The following FHIT variants were observed in gnomAD, a reference collection of about 807,000 sequenced individuals.
FHIT encodes the protein fragile histidine triad diadenosine triphosphatase.
Under a neutral mutation model 17.9 loss-of-function variants are expected in FHIT, and 19 were observed. The ratio of observed to expected loss-of-function variants is 1.06; its 90% CI spans 0.74 to 1.56. The LOEUF (loss-of-function observed/expected upper bound fraction) is 1.56, where lower values mean the gene tolerates loss of function less well. Among genes scored for constraint, FHIT ranks in the 40% most tolerant of loss-of-function variants. FHIT has a pLI of 0.00. For synonymous variants in FHIT, 81 were observed against 69.7 expected (o/e 1.16, Z -0.81); for missense variants, 248 against 189.2 (o/e 1.31, Z -1.82).
At chr3:59,817,187 G>C (rs956759787) in intron 8 of FHIT, among the ~76,000 whole-genome samples, 2 of 152,090 alleles carry the variant, frequency 1.3e-5, no homozygotes, top group Non-Finnish European at 2.9e-5. Flanking sequence ...TTGCCTTAAG[G>C]CTTTAAGATT....
intron 8 of FHIT, among the ~76,000 whole-genome samples, chr3:59,921,384 T>C (rs574690569): frequency 1.3e-5 from 2 of 152,352 alleles, no homozygotes; most frequent in South Asian, 4.1e-4. Flanking sequence ...TAGAGCCACA[T>C]GATAAACAAT....
At chr3:59,844,484 T>C (rs748254900) in intron 8 of FHIT, among the ~76,000 whole-genome samples, 2 of 151,620 alleles carry the variant, frequency 1.3e-5, no homozygotes, top group Non-Finnish European at 3.0e-5. Flanking sequence ...CCTAGTTTGT[T>C]GAGTGTGTGT....
At chr3:61,210,730 A>C (rs932543463) in intron 1 of FHIT, among the ~76,000 whole-genome samples, 2 of 151,952 alleles carry the variant, frequency 1.3e-5, no homozygotes, top group African/African-American at 4.8e-5. Flanking sequence ...TAGGAAAGGG[A>C]ATTCACTGAC....
chr3:60,018,749 G>A (rs753742421), intron 5 of FHIT, among the ~76,000 whole-genome samples: 18 of 152,226 alleles, frequency 1.2e-4, no homozygotes, highest in South Asian at 2.1e-4. Flanking sequence ...AGGCCAAAGC[G>A]CGCGAATCAC....
chr3:60,293,409 A>G (rs2106670195), intron 5 of FHIT, among the ~76,000 whole-genome samples: 1 of 152,296 alleles, frequency 6.6e-6, no homozygotes, highest in African/African-American at 2.4e-5. Context: ...AAGAAGAGGA[A>G]AAATATTCCA....
At chr3:60,245,975 A>T (rs188723244) in intron 5 of FHIT, among the ~76,000 whole-genome samples, 94 of 152,158 alleles carry the variant, frequency 6.2e-4, no homozygotes, top group African/African-American at 1.9e-3. Context: ...CAAAAGATAT[A>T]AAAAAAATTT....
chr3:60,838,702 T>TATACAATAAA, intron 3 of FHIT, among the ~76,000 whole-genome samples: 1 of 152,056 alleles, frequency 6.6e-6, no homozygotes, highest in Admixed American at 6.5e-5. Flanking sequence ...GCTAAAAAAA[T>TATACAATAAA]ATACAATAAA....
rs1290401549 is a variant in FHIT at position 59,859,411 on chromosome 3, A to C, written c.348+62935T>G. Among the ~76,000 whole-genome samples, 4 of 152,204 alleles carry C rather than the reference A, an allele frequency of 2.6e-5. No individual in the cohort carries two copies. In the East Asian group the frequency reaches 7.7e-4, roughly 29 times the overall value. ...TCTTTAAGGCAGGAAAACACGAGAC[A>C]GGGAAAGAATAAAAATCCATTCCAG... On this transcript the variant is annotated intron_variant, in intron 8 of 9. Transcript: ENST00000492590.
At chr3:59,869,627 G>A (rs898985101) in intron 8 of FHIT, among the ~76,000 whole-genome samples, 3 of 148,512 alleles carry the variant, frequency 2.0e-5, no homozygotes, top group Non-Finnish European at 3.0e-5. Context: ...GACTACAGGT[G>A]CCCGCCACCA....
intron 5 of FHIT, among the ~76,000 whole-genome samples, chr3:60,073,897 A>G (rs548623126): frequency 6.6e-6 from 1 of 152,230 alleles, no homozygotes; most frequent in South Asian, 2.1e-4. Flanking sequence ...ATAACCCTGT[A>G]TTTCCCACTG....
At chr3:61,012,799 G>C (rs942637857) in intron 3 of FHIT, among the ~76,000 whole-genome samples, 2 of 151,390 alleles carry the variant, frequency 1.3e-5, no homozygotes, top group African/African-American at 4.8e-5. Context: ...GAAATGTAGA[G>C]GATTATAAAT....
Position 60,843,392 on chromosome 3 carries a change from CAG to C in FHIT, c.-110-21383_-110-21382del, listed in dbSNP as rs113698754. ...GAAAAATGCTAAATAAAAACACAGT[CAG>C]AGAGAGACTTCCACCACTATAAATA... On this transcript the variant is annotated intron_variant, in intron 3 of 9. Transcript: ENST00000492590. Among the ~76,000 whole-genome samples, 70 of 152,262 alleles carry C rather than the reference CAG, an allele frequency of 4.6e-4. 1 individual carries two copies. Among genetic ancestry groups the C allele is most frequent in the Middle Eastern group, 3.4e-3 (1 of 294 alleles).
At chr3:59,970,990 G>A (rs1708153097) in intron 7 of FHIT, among the ~76,000 whole-genome samples, 1 of 151,962 alleles carries the variant, frequency 6.6e-6, no homozygotes, top group South Asian at 2.1e-4. Context: ...TTCAGAATAT[G>A]TGTGGACTTG....
intron 8 of FHIT, among the ~76,000 whole-genome samples, chr3:59,756,653 G>C (rs970018255): frequency 4.6e-5 from 7 of 152,098 alleles, no homozygotes; most frequent in African/African-American, 1.7e-4. Context: ...CCCTTAAAAA[G>C]GTGTCACAGG....
chr3:61,020,653 C>A (rs2032371055), intron 3 of FHIT, among the ~76,000 whole-genome samples: 1 of 152,170 alleles, frequency 6.6e-6, no homozygotes, highest in Non-Finnish European at 1.5e-5. Context: ...ATGACAGGAT[C>A]AAATTCACAC....
At chr3:60,946,789 A>G (rs1037123783) in intron 3 of FHIT, among the ~76,000 whole-genome samples, 4 of 151,996 alleles carry the variant, frequency 2.6e-5, no homozygotes, top group Non-Finnish European at 5.9e-5. Flanking sequence ...GGAGAGGGTG[A>G]TGGGGAAGCC....
chr3:60,744,106 C>T (rs2363682), intron 4 of FHIT, among the ~76,000 whole-genome samples: 1 of 151,980 alleles, frequency 6.6e-6, no homozygotes, highest in Admixed American at 6.6e-5. Context: ...GAGCGATGCT[C>T]TGACCTGAGA....
intron 5 of FHIT, among the ~76,000 whole-genome samples, chr3:60,433,138 G>T (rs190021784): frequency 6.6e-6 from 1 of 151,902 alleles, no homozygotes; most frequent in Non-Finnish European, 1.5e-5. Context: ...TTTTGAATTT[G>T]ACTGTTTTAG....
At chr3:60,497,906 T>C (rs958079905) in intron 5 of FHIT, among the ~76,000 whole-genome samples, 1 of 152,180 alleles carries the variant, frequency 6.6e-6, no homozygotes, top group African/African-American at 2.4e-5. Flanking sequence ...AGTGCATAAT[T>C]TTATTTTTTC....
Sources: gnomAD v4.1 joint callset for allele counts (sites outside exome capture counted in the v4.1 genomes callset) on GRCh38, gnomAD v4.1.1 for gene constraint, MANE v1.5 for transcripts, NCBI Gene and HGNC (gene_info 2026-07-23, HGNC 2026-07-21) for gene names.